Variants in PAX7 observed in about 807,000 individuals in gnomAD.
The protein encoded by PAX7 is paired box protein Pax-7.
PAX7 carries 18 observed loss-of-function variants against 50.7 expected under a neutral mutation model. The observed-to-expected ratio is 0.36, with a 90% CI of 0.25 to 0.53. The LOEUF is 0.53. Ranked by LOEUF, PAX7 falls within the 20% of genes least tolerant of loss-of-function variation. PAX7 has a pLI of 0.93. For synonymous variants in PAX7, 310 were observed against 290.4 expected (o/e 1.07, Z -0.69); for missense variants, 644 against 702.9 (o/e 0.92, Z 0.95).
intron 7 of PAX7, among the ~76,000 whole-genome samples, chr1:18,707,697 T>C (rs1417996178): frequency 1.3e-5 from 2 of 152,140 alleles, no homozygotes; most frequent in African/African-American, 4.8e-5. Flanking sequence ...AGTGTTAGGA[T>C]TACAGGCATG....
chr1:18,688,869 G>A (rs931308154), intron 4 of PAX7, among the ~76,000 whole-genome samples: 1 of 152,124 alleles, frequency 6.6e-6, no homozygotes, highest in African/African-American at 2.4e-5. Context: ...AGCAGAGATG[G>A]CGCCACTGCA....
chr1:18,631,699 C>A lies in PAX7; in HGVS notation c.85+11C>A, dbSNP rs1457644309. Reference sequence around the variant, plus strand: ...GATTCCCTTTGGAAGGTAAGAACGCCCAGGCTGGCCTCGCCGCGACTCCGC... The same window carrying A: ...GATTCCCTTTGGAAGGTAAGAACGCACAGGCTGGCCTCGCCGCGACTCCGC... On this transcript the variant is annotated intron_variant, in intron 1 of 8. Coordinates refer to ENST00000420770, the MANE Select transcript of PAX7 (RefSeq NM_001135254.2). 2.5e-6 allele frequency: 4 copies of A among 1,606,864 alleles called. No homozygotes were observed. The highest frequency in any genetic ancestry group is 3.4e-6 in the Non-Finnish European group (4 of 1,176,572).
In PAX7 at chr1:18,631,428, T is replaced by G; in HGVS notation, c.-176T>G. ...CCCCCCTCCCCAGCTTCTGGACGCGTTTGACTGCAGCCAGGGGTGGGGGGT... is the reference window on the plus strand; with the variant it reads ...CCCCCCTCCCCAGCTTCTGGACGCGGTTGACTGCAGCCAGGGGTGGGGGGT... On this transcript the variant is annotated 5_prime_UTR_variant, in exon 1 of 9. Coordinates refer to ENST00000420770, the MANE Select transcript of PAX7 (RefSeq NM_001135254.2). 7 of 589,922 alleles carry G rather than the reference T, an allele frequency of 1.2e-5. No individual in the cohort carries two copies. The highest frequency in any genetic ancestry group is 2.9e-5 in the Admixed American group (1 of 34,878). The allele number at this position is 589,922 out of a possible 1,614,324, so 36.5% of individuals were successfully genotyped here.
Position 18,745,617 on chromosome 1 carries a change from A to C in PAX7, c.*688A>C. 4.3e-6 allele frequency: 1 copy of C among 230,436 alleles called. No individual in the cohort carries two copies. Among genetic ancestry groups the C allele is most frequent in the Non-Finnish European group, 8.6e-6 (1 of 116,314 alleles). The allele number at this position is 230,436 out of a possible 1,614,324, so 14.3% of individuals were successfully genotyped here. A position where few individuals can be genotyped will look rare whatever the true frequency, so the allele number is the denominator to read the frequency against. On this transcript the variant is annotated 3_prime_UTR_variant, in exon 9 of 9. Coordinates refer to ENST00000420770, the MANE Select transcript of PAX7 (RefSeq NM_001135254.2). ...CAGGGAGACTGGGGAGACCAGGAAG[A>C]GGCTTAACCAGAGGGTAGGGGCACA...
In PAX7 at chr1:18,631,548, G is replaced by A. The variant is rs867121391; in HGVS notation, c.-56G>A. ...AAAGAGATCGCAGCAGGGGTGAAGG[G>A]AGCGGACGGGAAGCGATTTTTGCCG... On this transcript the variant is annotated 5_prime_UTR_variant, in exon 1 of 9. Coordinates refer to ENST00000420770, the MANE Select transcript of PAX7 (RefSeq NM_001135254.2). 5.7e-6 allele frequency: 8 copies of A among 1,406,640 alleles called. No homozygotes were observed. Among genetic ancestry groups the A allele is most frequent in the Non-Finnish European group, 8.0e-6 (8 of 1,002,342 alleles). 87.1% of individuals were successfully genotyped at this position (1,406,640 alleles called of 1,614,324 possible).
intron 4 of PAX7, among the ~76,000 whole-genome samples, chr1:18,655,407 G>C (rs1472709134): frequency 6.6e-6 from 1 of 152,230 alleles, no homozygotes; most frequent in East Asian, 1.9e-4. Flanking sequence ...GGGGAGGAAA[G>C]TCCAGCCGAA....
At chr1:18,673,813 G>A (rs943017517) in intron 4 of PAX7, among the ~76,000 whole-genome samples, 13 of 152,202 alleles carry the variant, frequency 8.5e-5, no homozygotes, top group Admixed American at 3.9e-4. Flanking sequence ...CCATAATGAA[G>A]ACACTGCATT....
At chr1:18,731,632 A>G (rs2089648417) in intron 7 of PAX7, among the ~76,000 whole-genome samples, 1 of 152,070 alleles carries the variant, frequency 6.6e-6, no homozygotes, top group Non-Finnish European at 1.5e-5. Context: ...GTCCTGTCCC[A>G]TTAGCTTAGA....
At chr1:18,631,799 TC>T in intron 1 of PAX7, 111 bp downstream of exon 1, 1 of 865,112 alleles carries the variant, frequency 1.2e-6, no homozygotes, top group Non-Finnish European at 1.9e-6. Context: ...AGCAGAGGGA[TC>T]CCGTTCTCTT....
intron 4 of PAX7, among the ~76,000 whole-genome samples, chr1:18,647,303 A>T (rs1025158939): frequency 5.3e-5 from 8 of 152,108 alleles, no homozygotes; most frequent in African/African-American, 1.9e-4. Context: ...CAGCCGTTGG[A>T]CAGTCTGTCG....
intron 1 of PAX7, 147 bp downstream of exon 1, chr1:18,631,835 C>T: frequency 2.9e-6 from 2 of 693,028 alleles, no homozygotes; most frequent in South Asian, 3.6e-5. Flanking sequence ...GGGCGCGGAA[C>T]CCAGGGAGTT....
intron 4 of PAX7, among the ~76,000 whole-genome samples, chr1:18,637,357 T>A (rs2100425157): frequency 6.6e-6 from 1 of 150,836 alleles, no homozygotes; most frequent in South Asian, 2.1e-4. Context: ...GAAACAGAAA[T>A]GGAAGACCCA....
chr1:18,644,740 C>G (rs1314466405), intron 4 of PAX7, among the ~76,000 whole-genome samples: 1 of 152,058 alleles, frequency 6.6e-6, no homozygotes, highest in African/African-American at 2.4e-5. Context: ...CAAAACAGAG[C>G]GGAGAGCTTC....
chr1:18,670,230 G>C (rs2088724076), intron 4 of PAX7, among the ~76,000 whole-genome samples: 1 of 152,122 alleles, frequency 6.6e-6, no homozygotes, highest in Admixed American at 6.5e-5. Context: ...CCATGGCAAG[G>C]CTAAAATGAA....
chr1:18,740,508 G>T (rs573015128), intron 8 of PAX7, among the ~76,000 whole-genome samples: 4 of 152,238 alleles, frequency 2.6e-5, no homozygotes, highest in Non-Finnish European at 4.4e-5. Flanking sequence ...GAAGGAGAAC[G>T]CTGATACCTA....
In PAX7 at chr1:18,726,624, GA is replaced by G. The variant is rs2089575050; in HGVS notation, c.1156-9005del. Among the ~76,000 whole-genome samples, 1 of 152,210 alleles carries G rather than the reference GA, an allele frequency of 6.6e-6. No individual in the cohort carries two copies. Among genetic ancestry groups the G allele is most frequent in the Non-Finnish European group, 1.5e-5 (1 of 68,052 alleles). The stretch of plus-strand genomic sequence containing the variant: ...CAGAGGGTTGGGCCTTAGTGGGACT[GA>G]AAGTTTCCACGGGGTAAGGCTTGAA... On this transcript the variant is annotated intron_variant, in intron 7 of 8. Transcript: ENST00000420770. The surrounding 1 kb of genome is among the most constrained non-coding windows in gnomAD (Gnocchi z 4.8).
rs367927441 is a variant in PAX7 at position 18,640,738 on chromosome 1, G to C, written c.586+4367G>C. 3.9e-5 allele frequency among the ~76,000 whole-genome samples: 6 copies of C among 152,196 alleles called. No homozygotes were observed. The South Asian group carries it at 6.2e-4, about 16-fold the overall frequency. ...CATAATGGGGGCTCGGAGGAAGATG[G>C]GAGGGTGTCAGGCAATTCCCGGCTT... On this transcript the variant is annotated intron_variant, in intron 4 of 8. Coordinates refer to ENST00000420770, the MANE Select transcript of PAX7 (RefSeq NM_001135254.2).
chr1:18,731,204 G>A (rs1014619969), intron 7 of PAX7, among the ~76,000 whole-genome samples: 1 of 152,208 alleles, frequency 6.6e-6, no homozygotes, highest in Non-Finnish European at 1.5e-5. Context: ...AAGTTTGCAG[G>A]CTCCGGACCT....
At chr1:18,689,418 G>T (rs568852494) in intron 4 of PAX7, among the ~76,000 whole-genome samples, 1 of 151,312 alleles carries the variant, frequency 6.6e-6, no homozygotes, top group Non-Finnish European at 1.5e-5. Flanking sequence ...TGGCAGGAAA[G>T]GCCAGGGCAG....
Sources: allele counts gnomAD v4.1 joint callset (sites outside exome capture counted in the v4.1 genomes callset), GRCh38; gene constraint gnomAD v4.1.1; non-coding constraint Gnocchi (gnomAD v3.1); transcripts MANE v1.5; gene names NCBI Gene and HGNC (gene_info 2026-07-23, HGNC 2026-07-21).